Variants in GAS7 observed in about 807,000 individuals in gnomAD.
GAS7 encodes the protein growth arrest specific 7, also known as growth arrest-specific protein 7.
A neutral mutation model predicts 71.1 loss-of-function variants in GAS7; 28 were observed. That is an observed-to-expected ratio of 0.39 (90% CI 0.29 to 0.54). The LOEUF (loss-of-function observed/expected upper bound fraction) is 0.54. Ranked by LOEUF, GAS7 falls within the 20% of genes least tolerant of loss-of-function variation. GAS7 has a pLI of 0.62. For missense variants in GAS7, 436 were observed against 627.8 expected (o/e 0.69, Z 3.27); for synonymous variants, 258 against 245.8 (o/e 1.05, Z -0.46).
At chr17:10,124,183 GCCC>G (rs2073926782) in intron 1 of GAS7, among the ~76,000 whole-genome samples, 1 of 152,222 alleles carries the variant, frequency 6.6e-6, no homozygotes, top group African/African-American at 2.4e-5. Flanking sequence ...GCTCCAACCA[GCCC>G]CTCGTGGCGG....
chr17:10,175,586 C>A (rs2074368428), intron 1 of GAS7, among the ~76,000 whole-genome samples: 1 of 132,030 alleles, frequency 7.6e-6, no homozygotes, highest in African/African-American at 3.0e-5. Flanking sequence ...ACCCTAATGA[C>A]CGCATTTTAT....
At position 9,913,952 on chromosome 17, in the gene GAS7, T is replaced by C. The variant is rs1295888878; in HGVS notation, c.*3276A>G. On this transcript the variant is annotated 3_prime_UTR_variant, in exon 14 of 14. Coordinates refer to ENST00000432992, the MANE Select transcript of GAS7 (RefSeq NM_201433.2). ...GAAATGGAAGGGACATTCTCAAGAA[T>C]AGCCCAGACCCGCCCACTTTGAATA... 5 of 232,062 alleles carry C rather than the reference T, an allele frequency of 2.2e-5. No individual in the cohort carries two copies. Among genetic ancestry groups the C allele is most frequent in the African/African-American group, 8.8e-5 (4 of 45,378 alleles). The allele number at this position is 232,062 out of a possible 1,614,324, so 14.4% of individuals were successfully genotyped here.
At chr17:10,062,019 G>A (rs1227003668) in intron 1 of GAS7, among the ~76,000 whole-genome samples, 1 of 152,192 alleles carries the variant, frequency 6.6e-6, no homozygotes, top group Non-Finnish European at 1.5e-5. Flanking sequence ...AATGTCAACA[G>A]TAACATGGCC....
intron 9 of GAS7, among the ~76,000 whole-genome samples, chr17:9,933,430 A>C (rs1414034622): frequency 6.6e-6 from 1 of 152,298 alleles, no homozygotes. Flanking sequence ...GCCTGCTCCC[A>C]GTGGCTCCCA....
At chr17:10,048,197 G>A (rs2073007957) in intron 1 of GAS7, among the ~76,000 whole-genome samples, 1 of 152,212 alleles carries the variant, frequency 6.6e-6, no homozygotes, top group South Asian at 2.1e-4. Context: ...AGCTACTTGG[G>A]AGGCTGAGGC....
At chr17:10,001,286 TCTC>T (rs1264659132) in intron 2 of GAS7, among the ~76,000 whole-genome samples, 1 of 152,094 alleles carries the variant, frequency 6.6e-6, no homozygotes, top group Non-Finnish European at 1.5e-5. Context: ...GCTCCAGCCC[TCTC>T]CTCTATTTCA....
At chr17:10,158,761 A>G (rs2074225912) in intron 1 of GAS7, among the ~76,000 whole-genome samples, 1 of 151,846 alleles carries the variant, frequency 6.6e-6, no homozygotes, top group Admixed American at 6.6e-5. Context: ...TTGCTAATTA[A>G]AAAGGTAAAG....
At chr17:9,991,042 G>A (rs1230594253) in intron 2 of GAS7, among the ~76,000 whole-genome samples, 1 of 152,158 alleles carries the variant, frequency 6.6e-6, no homozygotes, top group Non-Finnish European at 1.5e-5. Context: ...ACTCAGTGAG[G>A]TACATACAGC....
At position 10,020,111 on chromosome 17, in the gene GAS7, C is replaced by A. The variant is rs1053917351; in HGVS notation, c.184-214G>T. 5.7e-6 allele frequency: 3 copies of A among 528,114 alleles called. No individual in the cohort carries two copies. The Admixed American group carries it at 9.6e-5, about 17-fold the overall frequency. The allele number at this position is 528,114 out of a possible 1,614,324, so 32.7% of individuals were successfully genotyped here. ...AGCACCTGAGCATTCAGAGCCCCTG[C>A]ACAGAGGACAGCTCCTCTGGGAGCA... On this transcript the variant is annotated intron_variant, in intron 1 of 13. Transcript: ENST00000432992.
intron 2 of GAS7, 69 bp downstream of exon 2, chr17:10,019,708 A>G (rs1332741802): frequency 2.7e-6 from 4 of 1,491,522 alleles, no homozygotes; most frequent in Non-Finnish European, 3.6e-6. Flanking sequence ...AAGGGAGAAA[A>G]AACGTGCCCC....
At chr17:10,022,692 G>A (rs2072315955) in intron 1 of GAS7, among the ~76,000 whole-genome samples, 1 of 152,212 alleles carries the variant, frequency 6.6e-6, no homozygotes, top group Non-Finnish European at 1.5e-5. Flanking sequence ...CCTGTCCTGA[G>A]GGATGCGCAA....
chr17:9,958,720 G>C (rs1221481267), intron 5 of GAS7, among the ~76,000 whole-genome samples: 1 of 152,180 alleles, frequency 6.6e-6, no homozygotes, highest in Non-Finnish European at 1.5e-5. Context: ...CTGGGAGGCA[G>C]GCTGGCCACT....
intron 8 of GAS7, among the ~76,000 whole-genome samples, chr17:9,936,048 C>T (rs987035540): frequency 6.6e-6 from 1 of 152,292 alleles, no homozygotes; most frequent in Non-Finnish European, 1.5e-5. Context: ...ATGGGGGAAA[C>T]AGATGATCTT....
intron 4 of GAS7, among the ~76,000 whole-genome samples, chr17:9,962,245 C>CACACAA (rs1171474580): frequency 6.6e-6 from 1 of 151,608 alleles, no homozygotes; most frequent in Non-Finnish European, 1.5e-5. Flanking sequence ...TTTATACACA[C>CACACAA]ACACACACAC....
intron 3 of GAS7, among the ~76,000 whole-genome samples, chr17:9,970,492 C>T (rs1197653279): frequency 6.6e-6 from 1 of 151,954 alleles, no homozygotes; most frequent in African/African-American, 2.4e-5. Context: ...ATTAGCCAGG[C>T]GTGGTGGCAG....
intron 4 of GAS7, among the ~76,000 whole-genome samples, chr17:9,967,894 A>T (rs1436712725): frequency 6.6e-6 from 1 of 152,250 alleles, no homozygotes; most frequent in Non-Finnish European, 1.5e-5. Context: ...TATAATGCAC[A>T]GTGTTAAATC....
chr17:10,173,247 G>C (rs1479443335), intron 1 of GAS7, among the ~76,000 whole-genome samples: 1 of 152,140 alleles, frequency 6.6e-6, no homozygotes, highest in East Asian at 1.9e-4. Context: ...GAAACTTCTG[G>C]AACTGGATAA....
rs192830105 is a variant in GAS7, at chr17:10,101,737, G to A, written c.184-81840C>T. On this transcript the variant is annotated intron_variant, in intron 1 of 13. Coordinates refer to ENST00000432992, the MANE Select transcript of GAS7 (RefSeq NM_201433.2). Reference sequence around the variant, plus strand: ...GTTACAGTCATGGCTGACTCTTCCAGGCACTCCCTCTCATTGGTTAAAGAG... The same window carrying A: ...GTTACAGTCATGGCTGACTCTTCCAAGCACTCCCTCTCATTGGTTAAAGAG... Among the ~76,000 whole-genome samples, 7 of 152,266 alleles carry A rather than the reference G, an allele frequency of 4.6e-5. No homozygotes were observed. The East Asian group carries it at 1.4e-3, about 29-fold the overall frequency.
chr17:9,912,860 A>G lies in GAS7; in HGVS notation c.*4368T>C, dbSNP rs1051006066. On this transcript the variant is annotated 3_prime_UTR_variant, in exon 14 of 14. Transcript: ENST00000432992. ...AAGAAGCAGAGTAGTACGCCCATGCAATGAAATACTTCCCGGCAAGGAGAA... is the reference window on the plus strand; with the variant it reads ...AAGAAGCAGAGTAGTACGCCCATGCGATGAAATACTTCCCGGCAAGGAGAA... 1.3e-5 allele frequency: 3 copies of G among 232,812 alleles called. No individual in the cohort carries two copies. The Admixed American group carries it at 1.7e-4, about 13-fold the overall frequency. 14.4% of individuals were successfully genotyped at this position (232,812 alleles called of 1,614,324 possible).
Sources: gnomAD v4.1 joint callset for allele counts (sites outside exome capture counted in the v4.1 genomes callset) on GRCh38, gnomAD v4.1.1 for gene constraint, MANE v1.5 for transcripts, NCBI Gene and HGNC (gene_info 2026-07-23, HGNC 2026-07-21) for gene names.